Variants in RANBP3 observed in about 807,000 individuals in gnomAD.
RANBP3 encodes the protein ran-binding protein 3.
A neutral mutation model predicts 77.3 loss-of-function variants in RANBP3; 14 were observed. The ratio of observed to expected loss-of-function variants is 0.18; its 90% confidence interval spans 0.12 to 0.28. RANBP3 has a LOEUF of 0.28. Ranked by LOEUF, RANBP3 falls within the 10% of genes least tolerant of loss-of-function variation. The pLI, the probability that RANBP3 is intolerant of heterozygous loss-of-function variation, is 1.00. For missense variants in RANBP3, 586 were observed against 752.3 expected (o/e 0.78, Z 2.59); for synonymous variants, 315 against 312.4 (o/e 1.01, Z -0.09).
intron 3 of RANBP3, among the ~76,000 whole-genome samples, chr19:5,945,562 T>C (rs989505203): frequency 2.0e-5 from 3 of 152,100 alleles, no homozygotes; most frequent in East Asian, 1.9e-4. Flanking sequence ...GTCTGCTTGG[T>C]TTTTGTGTTG....
intron 1 of RANBP3, among the ~76,000 whole-genome samples, chr19:5,971,299 T>C (rs1198208192): frequency 6.6e-6 from 1 of 152,244 alleles, no homozygotes; most frequent in Non-Finnish European, 1.5e-5. Context: ...CAAATGTCTT[T>C]AACGTCTGAC....
At chr19:5,942,367 C>T (rs11882789) in intron 3 of RANBP3, among the ~76,000 whole-genome samples, 2,413 of 152,228 alleles carry the variant, frequency 0.016, 35 homozygotes, top group Middle Eastern at 0.095. Flanking sequence ...AGCCCACTTG[C>T]GAAGTGTTTA....
Position 5,959,101 on chromosome 19 carries a change from G to A in RANBP3, c.23-1128C>T, listed in dbSNP as rs1188375290. Reference sequence around the variant, plus strand: ...GAGGTCCCTGAGAAGAGGGGGCTGTGCTGGGGTCTCAAGAAGAGCTGGAAG... The same window carrying A: ...GAGGTCCCTGAGAAGAGGGGGCTGTACTGGGGTCTCAAGAAGAGCTGGAAG... On this transcript the variant is annotated intron_variant, in intron 1 of 16. Coordinates refer to ENST00000340578, the MANE Select transcript of RANBP3 (RefSeq NM_007322.3). The surrounding 1 kb of genome is among the most constrained non-coding windows in gnomAD (Gnocchi z 5.1). Among the ~76,000 whole-genome samples the A allele has an allele frequency of 6.6e-6, 1 of 152,048 alleles. No homozygotes were observed. Among genetic ancestry groups the A allele is most frequent in the Non-Finnish European group, 1.5e-5 (1 of 68,004 alleles).
rs537738985 is a variant in RANBP3, at chr19:5,967,996, G to A, written c.23-10023C>T. 1.6e-4 allele frequency among the ~76,000 whole-genome samples: 25 copies of A among 152,130 alleles called. No homozygotes were observed. The South Asian group carries it at 2.7e-3, about 16-fold the overall frequency. On this transcript the variant is annotated intron_variant, in intron 1 of 16. Coordinates refer to ENST00000340578, the MANE Select transcript of RANBP3 (RefSeq NM_007322.3). Reference sequence around the variant, plus strand: ...AGCACCACTGCACTCCAGCCTGGGCGACAGAGTGAGACTCTGTCTCCAAAA... The same window carrying A: ...AGCACCACTGCACTCCAGCCTGGGCAACAGAGTGAGACTCTGTCTCCAAAA...
At chr19:5,947,744 C>A (rs969218239) in intron 3 of RANBP3, among the ~76,000 whole-genome samples, 1 of 152,138 alleles carries the variant, frequency 6.6e-6, no homozygotes. Flanking sequence ...CACGTCCCTG[C>A]CGGCGGGGTG....
At chr19:5,961,524 G>C (rs548323) in intron 1 of RANBP3, among the ~76,000 whole-genome samples, 5,213 of 152,166 alleles carry the variant, frequency 0.034, 325 homozygotes, top group African/African-American at 0.12. Flanking sequence ...CCTGAGGTCG[G>C]GAGTTCGAGA....
chr19:5,936,344 C>T (rs1431863097), intron 5 of RANBP3, among the ~76,000 whole-genome samples: 5 of 152,192 alleles, frequency 3.3e-5, no homozygotes, highest in Non-Finnish European at 5.9e-5. Context: ...GCGTCATCTC[C>T]ACATGCAGGC....
Position 5,921,787 on chromosome 19 carries a change from A to G in RANBP3, c.1210-466T>C, listed in dbSNP as rs1041726442. 6.6e-6 allele frequency among the ~76,000 whole-genome samples: 1 copy of G among 152,254 alleles called. No homozygotes were observed. The highest frequency in any genetic ancestry group is 1.5e-5 in the Non-Finnish European group (1 of 68,048). On this transcript the variant is annotated intron_variant, in intron 13 of 16. Coordinates refer to ENST00000340578, the MANE Select transcript of RANBP3 (RefSeq NM_007322.3). This position sits in a 1 kb window ranked among gnomAD's most constrained non-coding sequence, Gnocchi z 5.3. ...ACACAGATCGCACATGAACGTGCAC[A>G]GCACCATCATTCACGGTAGCCAAGT...
At chr19:5,946,911 T>C (rs572851253) in intron 3 of RANBP3, among the ~76,000 whole-genome samples, 2 of 152,328 alleles carry the variant, frequency 1.3e-5, no homozygotes, top group South Asian at 2.1e-4. Context: ...GGGCCACCCC[T>C]CACCCCAAAC....
rs1400251497 is a variant in RANBP3 at position 5,923,847 on chromosome 19, G to A, written c.1064C>T (p.Ser355Phe). ...NRENAAAESG[S>F]ESSSQEATPE... ...GGTGGCCTCCTGGGACGAGGACTCA[G>A]ACCCTGACTCGGCAGCTGCATTTTC... is the stretch of plus-strand genomic sequence containing the variant. The change falls in exon 12 of 17, where the codon TCT (serine) becomes TTT (phenylalanine). Residue 355 changes from serine (S) to phenylalanine (F), a missense_variant. By Grantham distance (155) the Ser-to-Phe change is radical. Transcript: ENST00000340578. 2 of 1,614,154 alleles carry A rather than the reference G, an allele frequency of 1.2e-6. No individual in the cohort carries two copies. Among genetic ancestry groups the A allele is most frequent in the East Asian group, 4.5e-5 (2 of 44,876 alleles).
At chr19:5,970,998 G>A (rs2058523611) in intron 1 of RANBP3, among the ~76,000 whole-genome samples, 1 of 152,170 alleles carries the variant, frequency 6.6e-6, no homozygotes, top group African/African-American at 2.4e-5. Flanking sequence ...TGGCAAGGCA[G>A]CGGAGAAACC....
intron 8 of RANBP3, among the ~76,000 whole-genome samples, chr19:5,929,707 T>C (rs1371756252): frequency 6.6e-6 from 1 of 152,172 alleles, no homozygotes; most frequent in Non-Finnish European, 1.5e-5. Context: ...ACGTTCCCGA[T>C]GAGCAGTGTG....
intron 1 of RANBP3, among the ~76,000 whole-genome samples, chr19:5,963,705 G>C (rs1254907101): frequency 6.6e-6 from 1 of 152,158 alleles, no homozygotes; most frequent in Non-Finnish European, 1.5e-5. Flanking sequence ...TGAAGCGGGG[G>C]AGATTCTGAG....
At chr19:5,928,277 C>T in intron 8 of RANBP3, 190 bp from the exon 9 acceptor site, 1 of 535,238 alleles carries the variant, frequency 1.9e-6, no homozygotes, top group Non-Finnish European at 3.1e-6. Context: ...GCTGAGATCA[C>T]ACCACTGCAC....
intron 3 of RANBP3, among the ~76,000 whole-genome samples, chr19:5,949,541 A>G (rs1254674887): frequency 6.6e-6 from 1 of 152,226 alleles, no homozygotes; most frequent in African/African-American, 2.4e-5. Flanking sequence ...TACAAGGTGC[A>G]TGTTATGCAC....
intron 1 of RANBP3, among the ~76,000 whole-genome samples, chr19:5,961,732 TCAAAA>T (rs3068973): frequency 0.042 from 6,240 of 149,332 alleles, 241 homozygotes; most frequent in African/African-American, 0.11. Context: ...AAACTCTGTC[TCAAAA>T]CAAAACAAAA....
Position 5,917,621 on chromosome 19 carries a change from C to T in RANBP3, c.1693G>A (p.Gly565Arg), listed in dbSNP as rs778573920. Reference protein sequence around the residue: ...AGDEGDGQTTGST With the variant: ...AGDEGDGQTTRST ...CGGGCTCCCGGCCGCTATGTGCTCC[C>T]GGTCGTCTGCCCGTCCCCTTCGTCA... The change falls in exon 17 of 17, where the codon GGG becomes AGG. Residue 565 changes from glycine to arginine, a missense_variant. Gly to Arg is a moderately radical substitution (Grantham distance 125). Around this residue, in one of 5 missense-constraint regions of RANBP3, gnomAD observed 128 missense variants for 157.0 expected, o/e 0.82. Transcript: ENST00000340578. The T allele has an allele frequency of 2.0e-4, 322 of 1,604,378 alleles. 1 individual carries two copies. The highest frequency in any genetic ancestry group is 2.7e-4 in the Non-Finnish European group (313 of 1,178,428).
chr19:5,945,908 C>T (rs1174952102), intron 3 of RANBP3, among the ~76,000 whole-genome samples: 1 of 152,084 alleles, frequency 6.6e-6, no homozygotes, highest in Non-Finnish European at 1.5e-5. Context: ...CCTTCACCCA[C>T]CACCTCCAAC....
chr19:5,935,923 G>C (rs2058058485), intron 5 of RANBP3: 1 of 415,088 alleles, frequency 2.4e-6, no homozygotes, highest in Non-Finnish European at 4.9e-6. Flanking sequence ...TGGGCCTGTA[G>C]AGGATGCTGC....
Sources: allele counts gnomAD v4.1 joint callset (sites outside exome capture counted in the v4.1 genomes callset), GRCh38; gene constraint gnomAD v4.1.1; regional missense constraint gnomAD v4.1.1; non-coding constraint Gnocchi (gnomAD v3.1); transcripts MANE v1.5; gene names NCBI Gene and HGNC (gene_info 2026-07-23, HGNC 2026-07-21).